Variants in MTHFD1L observed in about 807,000 individuals in gnomAD.
The protein encoded by MTHFD1L is methylenetetrahydrofolate dehydrogenase (NADP+ dependent) 1 like.
A neutral mutation model predicts 119.5 loss-of-function variants in MTHFD1L; 81 were observed. The observed-to-expected ratio is 0.68, with a 90% CI of 0.57 to 0.82. The LOEUF (loss-of-function observed/expected upper bound fraction) is 0.82. Among genes scored for constraint, MTHFD1L ranks in the 40% least tolerant of loss-of-function variants. MTHFD1L has a pLI of 0.00. For synonymous variants in MTHFD1L, 430 were observed against 475.2 expected (o/e 0.90, Z 1.24); for missense variants, 1,125 against 1,253.4 (o/e 0.90, Z 1.55).
intron 7 of MTHFD1L, among the ~76,000 whole-genome samples, chr6:150,902,596 A>G (rs530232894): frequency 6.6e-6 from 1 of 152,276 alleles, no homozygotes; most frequent in East Asian, 1.9e-4. Flanking sequence ...TCCAGAAAGA[A>G]TTAACATCTA....
chr6:151,035,631 A>C (rs890228365), intron 25 of MTHFD1L, among the ~76,000 whole-genome samples: 15 of 152,120 alleles, frequency 9.9e-5, no homozygotes, highest in African/African-American at 3.6e-4. Context: ...TGTGCAATGA[A>C]CCAAGTAAAA....
chr6:151,062,490 G>T (rs1790762303), intron 26 of MTHFD1L, among the ~76,000 whole-genome samples: 1 of 152,108 alleles, frequency 6.6e-6, no homozygotes, highest in Non-Finnish European at 1.5e-5. Flanking sequence ...AGATTTTTAT[G>T]TTAACAGGCA....
intron 16 of MTHFD1L, among the ~76,000 whole-genome samples, chr6:150,951,888 T>C (rs1199195890): frequency 6.6e-6 from 1 of 152,144 alleles, no homozygotes; most frequent in Non-Finnish European, 1.5e-5. Flanking sequence ...TGGAAATTAG[T>C]GTATTTTAAA....
intron 1 of MTHFD1L, chr6:150,866,518 C>G: frequency 7.8e-7 from 1 of 1,288,706 alleles, no homozygotes; most frequent in Non-Finnish European, 9.8e-7. Flanking sequence ...GAGAGGCGGG[C>G]TCGGGCCCAG....
rs910039333 is a variant in MTHFD1L at position 151,057,224 on chromosome 6, A to G, written c.2847+20107A>G. The G allele has an allele frequency of 1.0e-5, 10 of 984,840 alleles. No homozygotes were observed. In the Admixed American group the frequency reaches 5.5e-4, roughly 55 times the overall value. The allele number at this position is 984,840 out of a possible 1,614,324, so 61.0% of individuals were successfully genotyped here. A position where few individuals can be genotyped will look rare whatever the true frequency, so the allele number is the denominator to read the frequency against. ...CCTGATTTCTGTCAATCTAATTTTTAAATTTCATTCTAAGGCAAACCTGCT... is the reference window on the plus strand; with the variant it reads ...CCTGATTTCTGTCAATCTAATTTTTGAATTTCATTCTAAGGCAAACCTGCT... On this transcript the variant is annotated intron_variant, in intron 26 of 27. Transcript: ENST00000367321.
intron 7 of MTHFD1L, among the ~76,000 whole-genome samples, chr6:150,897,514 CT>C (rs974811878): frequency 1.3e-5 from 2 of 152,208 alleles, no homozygotes; most frequent in African/African-American, 4.8e-5. Flanking sequence ...GAAACTTCAT[CT>C]GGAGCTTTAA....
chr6:150,983,481 C>T (rs1777834549), intron 20 of MTHFD1L, among the ~76,000 whole-genome samples: 1 of 152,156 alleles, frequency 6.6e-6, no homozygotes, highest in Non-Finnish European at 1.5e-5. Context: ...GCCAGCTGGC[C>T]TCCATAGATC....
At chr6:150,945,867 ATACC>A (rs1793846008) in intron 15 of MTHFD1L, among the ~76,000 whole-genome samples, 1 of 152,170 alleles carries the variant, frequency 6.6e-6, no homozygotes, top group Non-Finnish European at 1.5e-5. Context: ...GAGCACATAC[ATACC>A]TGTAGTCCGA....
At chr6:150,990,306 A>G (rs1031682386) in intron 20 of MTHFD1L, among the ~76,000 whole-genome samples, 2 of 152,050 alleles carry the variant, frequency 1.3e-5, no homozygotes, top group African/African-American at 2.4e-5. Context: ...TTCAAGAACC[A>G]TGATGGATGA....
chr6:151,059,131 G>A (rs1790337133), intron 26 of MTHFD1L, among the ~76,000 whole-genome samples: 1 of 152,178 alleles, frequency 6.6e-6, no homozygotes, highest in Non-Finnish European at 1.5e-5. Flanking sequence ...CCTTCCCCCT[G>A]AGGTGGGATG....
At chr6:150,881,531 G>C (rs1335071445) in intron 4 of MTHFD1L, among the ~76,000 whole-genome samples, 1 of 152,126 alleles carries the variant, frequency 6.6e-6, no homozygotes, top group Non-Finnish European at 1.5e-5. Flanking sequence ...TCTACCAAAT[G>C]CTTGGTACAG....
At chr6:151,030,547 C>T (rs1190133563) in intron 24 of MTHFD1L, among the ~76,000 whole-genome samples, 10 of 152,190 alleles carry the variant, frequency 6.6e-5, no homozygotes, top group Admixed American at 3.3e-4. Context: ...CAGAGGAGCT[C>T]GCATTAGTTT....
intron 24 of MTHFD1L, among the ~76,000 whole-genome samples, chr6:151,027,116 A>G (rs1254076305): frequency 6.6e-6 from 1 of 151,846 alleles, no homozygotes; most frequent in Non-Finnish European, 1.5e-5. Flanking sequence ...GGTGTGAGCC[A>G]CCGCACCAGG....
chr6:150,991,973 C>T (rs1779121517), intron 20 of MTHFD1L, among the ~76,000 whole-genome samples: 1 of 152,134 alleles, frequency 6.6e-6, no homozygotes, highest in Admixed American at 6.5e-5. Flanking sequence ...AGACTGGAGT[C>T]TCATTCAATG....
intron 20 of MTHFD1L, among the ~76,000 whole-genome samples, chr6:150,977,159 C>T (rs116942783): frequency 2.0e-5 from 3 of 152,174 alleles, no homozygotes; most frequent in Non-Finnish European, 4.4e-5. Flanking sequence ...TGATTAAGTA[C>T]TATATTAGTT....
At chr6:151,005,300 T>C (rs1230104918) in intron 20 of MTHFD1L, among the ~76,000 whole-genome samples, 1 of 152,152 alleles carries the variant, frequency 6.6e-6, no homozygotes, top group Non-Finnish European at 1.5e-5. Context: ...AAGTAGTTTT[T>C]ACTTTCATAA....
intron 24 of MTHFD1L, chr6:151,022,147 G>T: frequency 2.2e-6 from 1 of 448,688 alleles, no homozygotes; most frequent in Non-Finnish European, 4.7e-6. Flanking sequence ...CTGCCCAGAT[G>T]GCCAGGGGTG....
At chr6:151,093,323 A>G (rs137927211) in intron 27 of MTHFD1L, among the ~76,000 whole-genome samples, 49 of 152,256 alleles carry the variant, frequency 3.2e-4, no homozygotes, top group African/African-American at 1.1e-3. Flanking sequence ...CCCCAGTCCT[A>G]TTGGATTAGG....
chr6:150,982,601 A>G (rs1777685342), intron 20 of MTHFD1L, among the ~76,000 whole-genome samples: 1 of 152,192 alleles, frequency 6.6e-6, no homozygotes, highest in South Asian at 2.1e-4. Context: ...CAACAACTTA[A>G]TAGATAAAGC....
Sources: allele counts gnomAD v4.1 joint callset (sites outside exome capture counted in the v4.1 genomes callset), GRCh38; gene constraint gnomAD v4.1.1; transcripts MANE v1.5; gene names NCBI Gene and HGNC (gene_info 2026-07-23, HGNC 2026-07-21).